The following IGF1R variants were observed in gnomAD, a reference collection of about 807,000 sequenced individuals.
The protein encoded by IGF1R is insulin like growth factor 1 receptor.
A neutral mutation model predicts 144.6 loss-of-function variants in IGF1R; 44 were observed. The observed-to-expected ratio is 0.30, with a 90% CI of 0.24 to 0.39. The LOEUF is 0.39. IGF1R is among the 10% of genes least tolerant of loss of function. The probability of loss-of-function intolerance (pLI) is 1.00; values close to 1 mark genes in which losing one functional copy is unlikely to be tolerated. For synonymous variants in IGF1R, 795 were observed against 722.8 expected, an observed-to-expected ratio of 1.10 and a Z score of -1.60; for missense variants, 1,355 against 1,833.7, an observed-to-expected ratio of 0.74 and a Z score of 4.77.
chr15:98,689,846 T>G (rs1370466367), intron 1 of IGF1R, among the ~76,000 whole-genome samples: 3 of 152,100 alleles, frequency 2.0e-5, no homozygotes, highest in African/African-American at 7.2e-5. Context: ...AGGGGCCACC[T>G]CTGAGGGTGC....
At position 98,768,789 on chromosome 15, in the gene IGF1R, G is replaced by A. The variant is rs1479606345; in HGVS notation, c.640+60682G>A. Among the ~76,000 whole-genome samples the A allele has an allele frequency of 4.3e-5, 5 of 116,384 alleles. No homozygotes were observed. The South Asian group carries it at 1.2e-3, about 27-fold the overall frequency. 76.4% of individuals were successfully genotyped at this position (116,384 alleles called of 152,430 possible). A position where few individuals can be genotyped will look rare whatever the true frequency, so the allele number is the denominator to read the frequency against. Reference sequence around the variant, plus strand: ...AAAAAAAAAAAAAAAAAAGCCGGGCGCGGTGCCGGGCGCCTGTAGTCCCAG... The same window carrying A: ...AAAAAAAAAAAAAAAAAAGCCGGGCACGGTGCCGGGCGCCTGTAGTCCCAG... On this transcript the variant is annotated intron_variant, in intron 2 of 20. Transcript: ENST00000650285.
chr15:98,903,560 A>G (rs1035626499), intron 5 of IGF1R, among the ~76,000 whole-genome samples: 2 of 152,196 alleles, frequency 1.3e-5, no homozygotes, highest in African/African-American at 4.8e-5. Context: ...AAACATGCCC[A>G]CACAAGACTT....
intron 2 of IGF1R, among the ~76,000 whole-genome samples, chr15:98,814,246 A>G (rs185692493): frequency 3.3e-5 from 5 of 152,338 alleles, no homozygotes; most frequent in African/African-American, 1.2e-4. Flanking sequence ...TCTTTCTGGC[A>G]TGAATGATAC....
intron 2 of IGF1R, among the ~76,000 whole-genome samples, chr15:98,810,147 T>TG (rs2056554670): frequency 2.2e-5 from 1 of 45,034 alleles, no homozygotes; most frequent in African/African-American, 8.9e-5. Context: ...TGGGGGTGGC[T>TG]GGCGGAGGGG....
chr15:98,655,312 GACTT>G (rs2141167566), intron 1 of IGF1R, among the ~76,000 whole-genome samples: 1 of 152,248 alleles, frequency 6.6e-6, no homozygotes, highest in East Asian at 1.9e-4. Context: ...TTGATTTTGA[GACTT>G]TTGGACTTTT....
intron 20 of IGF1R, among the ~76,000 whole-genome samples, chr15:98,951,019 A>T (rs941037177): frequency 6.6e-6 from 1 of 152,250 alleles, no homozygotes; most frequent in African/African-American, 2.4e-5. Context: ...CTCTGGGAGT[A>T]CGTTGGCTGG....
chr15:98,779,354 G>A (rs1430214519), intron 2 of IGF1R, among the ~76,000 whole-genome samples: 1 of 152,192 alleles, frequency 6.6e-6, no homozygotes, highest in Non-Finnish European at 1.5e-5. Context: ...AAGGTTTAAG[G>A]TAGGCTTCTC....
intron 2 of IGF1R, among the ~76,000 whole-genome samples, chr15:98,803,498 T>TTTTATTTATTTATTTA (rs3076065): frequency 0.21 from 30,422 of 144,410 alleles, 3,831 homozygotes; most frequent in Middle Eastern, 0.33. Flanking sequence ...GAATATTACA[T>TTTTATTTATTTATTTA]TTTATTTATT....
At position 98,649,019 on chromosome 15, in the gene IGF1R, G is replaced by C. The variant is rs1401208725; in HGVS notation, c.-563G>C. The stretch of plus-strand genomic sequence containing the variant: ...GGCGGCGCTGAGGGAGGAGGCGGCG[G>C]CGAGCGGAGCCAGGAGGAGGAGGAG... On this transcript the variant is annotated 5_prime_UTR_variant, in exon 1 of 21. Transcript: ENST00000650285. The C allele has an allele frequency of 9.9e-6, 2 of 202,304 alleles. No homozygotes were observed. The highest frequency in any genetic ancestry group is 3.0e-5 in the African/African-American group (1 of 33,730). The allele number at this position is 202,304 out of a possible 1,614,324, so 12.5% of individuals were successfully genotyped here.
intron 2 of IGF1R, among the ~76,000 whole-genome samples, chr15:98,818,695 G>A (rs2056745985): frequency 6.6e-6 from 1 of 152,058 alleles, no homozygotes; most frequent in African/African-American, 2.4e-5. Context: ...ATTGCAAAAT[G>A]TTCAGCAGCT....
chr15:98,823,684 A>T lies in IGF1R; in HGVS notation c.641-67641A>T, dbSNP rs747504793. 4.6e-5 allele frequency among the ~76,000 whole-genome samples: 7 copies of T among 152,224 alleles called. No individual in the cohort carries two copies. In the South Asian group the frequency reaches 1.0e-3, roughly 23 times the overall value. ...TGGCATCTTTCCAGGTGTCAGAGCCATGATTTTAAGCTCCTGTTAAATTCA... is the reference window on the plus strand; with the variant it reads ...TGGCATCTTTCCAGGTGTCAGAGCCTTGATTTTAAGCTCCTGTTAAATTCA... On this transcript the variant is annotated intron_variant, in intron 2 of 20. Coordinates refer to ENST00000650285, the MANE Select transcript of IGF1R (RefSeq NM_000875.5).
At chr15:98,825,974 C>CT (rs1205238125) in intron 2 of IGF1R, among the ~76,000 whole-genome samples, 1 of 152,144 alleles carries the variant, frequency 6.6e-6, no homozygotes, top group Non-Finnish European at 1.5e-5. Context: ...CCTTGGTGAC[C>CT]TTTCCATACT....
intron 1 of IGF1R, among the ~76,000 whole-genome samples, chr15:98,668,800 C>T (rs1269558216): frequency 1.7e-5 from 1 of 59,952 alleles, no homozygotes; most frequent in African/African-American, 2.9e-5. Flanking sequence ...CTCCTCGTGA[C>T]CCTCCAGGGT....
intron 1 of IGF1R, among the ~76,000 whole-genome samples, chr15:98,670,054 C>T (rs2052848822): frequency 6.6e-6 from 1 of 152,144 alleles, no homozygotes; most frequent in Non-Finnish European, 1.5e-5. Flanking sequence ...GATTTGGAGA[C>T]AGAGACAAAT....
At chr15:98,814,237 C>G (rs1316439152) in intron 2 of IGF1R, among the ~76,000 whole-genome samples, 2 of 152,168 alleles carry the variant, frequency 1.3e-5, no homozygotes, top group Non-Finnish European at 2.9e-5. Context: ...TTAAGTTACT[C>G]TTTCTGGCAT....
In IGF1R at chr15:98,891,277, G is replaced by T; in HGVS notation, c.641-48G>T. On this transcript the variant is annotated intron_variant, in intron 2 of 20. Coordinates refer to ENST00000650285, the MANE Select transcript of IGF1R (RefSeq NM_000875.5). This position sits in a 1 kb window ranked among gnomAD's most constrained non-coding sequence, Gnocchi z 4.7. Reference sequence around the variant, plus strand: ...ATGCTGGCCAGGCCCAGAGAAGGCGGTGCCTCCCCTGCCCGGTCTCATCTC... The same window carrying T: ...ATGCTGGCCAGGCCCAGAGAAGGCGTTGCCTCCCCTGCCCGGTCTCATCTC... The T allele has an allele frequency of 6.4e-7, 1 of 1,567,546 alleles. No individual in the cohort carries two copies. Among genetic ancestry groups the T allele is most frequent in the Non-Finnish European group, 8.7e-7 (1 of 1,152,952 alleles).
At chr15:98,950,772 C>T (rs1369233977) in intron 20 of IGF1R, among the ~76,000 whole-genome samples, 1 of 152,132 alleles carries the variant, frequency 6.6e-6, no homozygotes, top group African/African-American at 2.4e-5. Context: ...TTCACAAGTC[C>T]CACCCGTACT....
rs537467556 is a variant in IGF1R, at chr15:98,958,135, C to T, written c.*693C>T. The T allele has an allele frequency of 2.6e-5, 6 of 233,406 alleles. No individual in the cohort carries two copies. Among genetic ancestry groups the T allele is most frequent in the South Asian group, 3.6e-4 (2 of 5,552 alleles). 14.5% of individuals were successfully genotyped at this position (233,406 alleles called of 1,614,324 possible). A position where few individuals can be genotyped will look rare whatever the true frequency, so the allele number is the denominator to read the frequency against. On this transcript the variant is annotated 3_prime_UTR_variant, in exon 21 of 21. Coordinates refer to ENST00000650285, the MANE Select transcript of IGF1R (RefSeq NM_000875.5). ...TTGCTCCATTTGAGAGACACGCTGGCGACACACTCCGTCCATCCGACTGCC... is the reference window on the plus strand; with the variant it reads ...TTGCTCCATTTGAGAGACACGCTGGTGACACACTCCGTCCATCCGACTGCC...
chr15:98,689,112 A>C (rs771874823), intron 1 of IGF1R, among the ~76,000 whole-genome samples: 6 of 151,818 alleles, frequency 4.0e-5, no homozygotes, highest in Non-Finnish European at 7.4e-5. Context: ...ATGAAATAGC[A>C]GTTTTTCATC....
Sources: allele counts gnomAD v4.1 joint callset (sites outside exome capture counted in the v4.1 genomes callset), GRCh38; gene constraint gnomAD v4.1.1; non-coding constraint Gnocchi (gnomAD v3.1); transcripts MANE v1.5; gene names NCBI Gene and HGNC (gene_info 2026-07-23, HGNC 2026-07-21).